The following REV3L variants were observed in gnomAD, a reference collection of about 807,000 sequenced individuals.
REV3L encodes REV3 like, DNA directed polymerase zeta catalytic subunit.
Under a neutral mutation model 299.4 loss-of-function variants are expected in REV3L, and 69 were observed. That is an observed-to-expected ratio of 0.23 (90% CI 0.19 to 0.28). The LOEUF (loss-of-function observed/expected upper bound fraction) is 0.28. Among genes scored for constraint, REV3L ranks in the 10% least tolerant of loss-of-function variants. REV3L has a pLI of 1.00. For missense variants in REV3L, 3,128 were observed against 3,693.8 expected, an observed-to-expected ratio of 0.85 and a Z score of 3.97; for synonymous variants, 1,238 against 1,271.4, an observed-to-expected ratio of 0.97 and a Z score of 0.56.
chr6:111,473,644 C>T (rs1000040072), intron 1 of REV3L, among the ~76,000 whole-genome samples: 1 of 151,828 alleles, frequency 6.6e-6, no homozygotes, highest in Non-Finnish European at 1.5e-5. Flanking sequence ...ATTCTAAGCA[C>T]TATTAGATAC....
At chr6:111,483,324 C>G (rs1484723238), upstream of REV3L, 6 of 478,316 alleles carry the variant, frequency 1.3e-5, no homozygotes, top group East Asian at 1.4e-4. Context: ...AGAGGGCGGG[C>G]GCCCGGGCGG....
chr6:111,322,759 A>G, intron 25 of REV3L, 81 bp from the exon 26 acceptor site: 1 of 902,636 alleles, frequency 1.1e-6, no homozygotes, highest in Non-Finnish European at 1.7e-6. Flanking sequence ...AATACATTTA[A>G]TTACTAAATA....
rs533942723 is a variant in REV3L, at chr6:111,306,150, A to G, written c.9252+1211T>C. On this transcript the variant is annotated intron_variant, in intron 31 of 31. Coordinates refer to ENST00000368802, the MANE Select transcript of REV3L (RefSeq NM_001372078.1). ...AGTGAGGAAGACAGACAAACCCCAA[A>G]TCACAGTAAAGCAGAGGAGATTATG... Among the ~76,000 whole-genome samples the G allele has an allele frequency of 4.6e-5, 7 of 152,262 alleles. No homozygotes were observed. The South Asian group carries it at 1.5e-3, about 32-fold the overall frequency.
chr6:111,438,080 A>G (rs1787814389), intron 1 of REV3L, among the ~76,000 whole-genome samples: 5 of 151,700 alleles, frequency 3.3e-5, no homozygotes, highest in Non-Finnish European at 1.5e-5. Flanking sequence ...ACTGGTCTCA[A>G]ACTCCTGGGC....
intron 1 of REV3L, chr6:111,431,020 T>C: frequency 6.4e-7 from 1 of 1,563,424 alleles, no homozygotes; most frequent in African/African-American, 1.4e-5. Context: ...CACTCCAGTG[T>C]TATATTTGAA....
In REV3L at chr6:111,381,415, G is replaced by C; in HGVS notation, c.1126C>G (p.Leu376Val). The C allele has an allele frequency of 6.2e-7, 1 of 1,613,102 alleles. No individual in the cohort carries two copies. The highest frequency in any genetic ancestry group is 1.1e-5 in the South Asian group (1 of 91,018). Residue 376 changes from leucine (L) to valine (V), a missense_variant, in exon 10 of 32, where the codon CTT becomes GTT. Leu to Val is a conservative substitution (Grantham distance 32). This residue lies in a region of REV3L where 2,409 missense variants were observed against 2,611.8 expected (regional missense o/e 0.92). Transcript: ENST00000368802. ...TTCAAAATTGCTTCTTCATTAATAA[G>C]AGCTTCTTCCACTTTGTGTCTAGTG... ...GHTRHKVEEA[L>V]INEEAILNLM... is the part of the protein sequence containing the mutation.
intron 1 of REV3L, among the ~76,000 whole-genome samples, chr6:111,455,175 G>A (rs1370544613): frequency 1.3e-5 from 2 of 152,190 alleles, no homozygotes; most frequent in Admixed American, 6.5e-5. Flanking sequence ...ACTAAGGGTA[G>A]TTGGGAGAGG....
At chr6:111,437,709 G>T (rs971745987) in intron 1 of REV3L, among the ~76,000 whole-genome samples, 1 of 152,106 alleles carries the variant, frequency 6.6e-6, no homozygotes, top group Non-Finnish European at 1.5e-5. Flanking sequence ...AATGAGTACT[G>T]ACTGCTATTT....
At position 111,375,667 on chromosome 6, in the gene REV3L, G is replaced by A. The variant is rs56365810; in HGVS notation, c.2688C>T (p.Asp896=). 457 of 1,613,962 alleles carry A rather than the reference G, an allele frequency of 2.8e-4. No homozygotes were observed. The African/African-American group carries it at 5.4e-3, about 19-fold the overall frequency. ...CTAACGTTCCATCTCCAAAGTGACA[G>A]TCTATAAAACCATCTGTGGGTGTTT... ...ENKTPTDGFI[D]CHFGDGTLET... Residue 896 remains aspartate (D), a synonymous_variant, in exon 13 of 32, where the codon GAC becomes GAT. Coordinates refer to ENST00000368802, the MANE Select transcript of REV3L (RefSeq NM_001372078.1).
chr6:111,330,311 A>G (rs970535986), intron 24 of REV3L: 1 of 454,828 alleles, frequency 2.2e-6, no homozygotes, highest in African/African-American at 2.0e-5. Flanking sequence ...TTTATTAGCA[A>G]TCTGGAAGAG....
At chr6:111,463,018 G>C (rs1790986605) in intron 1 of REV3L, among the ~76,000 whole-genome samples, 1 of 152,042 alleles carries the variant, frequency 6.6e-6, no homozygotes, top group Admixed American at 6.6e-5. Context: ...GAGAGCATAA[G>C]GTCCTTGCAG....
chr6:111,375,651 C>T lies in REV3L; in HGVS notation c.2704G>A (p.Gly902Arg), dbSNP rs1363007177. 1.2e-6 allele frequency: 2 copies of T among 1,613,740 alleles called. No individual in the cohort carries two copies. Among genetic ancestry groups the T allele is most frequent in the Non-Finnish European group, 1.7e-6 (2 of 1,179,888 alleles). The change falls in exon 13 of 32, where the codon GGA becomes AGA. Residue 902 changes from glycine (G) to arginine (R), a missense_variant. Transcript: ENST00000368802. The part of the protein sequence containing the change: ...DGFIDCHFGD[G>R]TLETEQSFGL... ...AAGGACTGCTCAGTTTCTAACGTTCCATCTCCAAAGTGACAGTCTATAAAA... is the reference window on the plus strand; with the variant it reads ...AAGGACTGCTCAGTTTCTAACGTTCTATCTCCAAAGTGACAGTCTATAAAA...
Position 111,409,851 on chromosome 6 carries a change from T to C in REV3L, c.404+1629A>G, listed in dbSNP as rs117726607. Among the ~76,000 whole-genome samples the C allele has an allele frequency of 2.6e-5, 4 of 152,278 alleles. No homozygotes were observed. In the East Asian group the frequency reaches 5.8e-4, roughly 22 times the overall value. On this transcript the variant is annotated intron_variant, in intron 3 of 31. Transcript: ENST00000368802. The stretch of plus-strand genomic sequence containing the variant: ...GAAAATAAATGGATGAATTCAGAAC[T>C]GACGTTTTCATTTGGCAGACCAAAG...
At chr6:111,366,420 T>G (rs994369865) in intron 14 of REV3L, among the ~76,000 whole-genome samples, 4 of 152,038 alleles carry the variant, frequency 2.6e-5, no homozygotes, top group Non-Finnish European at 2.9e-5. Flanking sequence ...TAAAGAAGGC[T>G]TAAGACCAAG....
intron 1 of REV3L, among the ~76,000 whole-genome samples, chr6:111,437,311 T>A (rs752979766): frequency 6.6e-6 from 1 of 152,132 alleles, no homozygotes; most frequent in Non-Finnish European, 1.5e-5. Flanking sequence ...GCATTATTCA[T>A]AATGGTCAAA....
intron 9 of REV3L, among the ~76,000 whole-genome samples, chr6:111,387,347 G>A (rs187227420): frequency 6.9e-4 from 105 of 152,238 alleles, no homozygotes; most frequent in African/African-American, 2.0e-3. Context: ...TTGTGGAGAC[G>A]TTTGCACAAC....
chr6:111,449,599 G>A (rs569795310), intron 1 of REV3L, among the ~76,000 whole-genome samples: 11 of 152,250 alleles, frequency 7.2e-5, no homozygotes, highest in South Asian at 2.1e-4. Flanking sequence ...ACAAGACATC[G>A]AGTAGAATAA....
intron 27 of REV3L, among the ~76,000 whole-genome samples, chr6:111,314,046 C>G (rs1461651660): frequency 6.6e-6 from 1 of 152,194 alleles, no homozygotes; most frequent in Non-Finnish European, 1.5e-5. Context: ...ATGTTTACAA[C>G]AAGAGACTGC....
intron 31 of REV3L, among the ~76,000 whole-genome samples, chr6:111,300,661 C>T (rs1352814436): frequency 1.3e-5 from 2 of 152,182 alleles, no homozygotes; most frequent in Non-Finnish European, 2.9e-5. Flanking sequence ...ATTTCTTATG[C>T]CTGTCTTTAC....
Sources: allele counts gnomAD v4.1 joint callset (sites outside exome capture counted in the v4.1 genomes callset), GRCh38; gene constraint gnomAD v4.1.1; regional missense constraint gnomAD v4.1.1; transcripts MANE v1.5; gene names NCBI Gene and HGNC (gene_info 2026-07-23, HGNC 2026-07-21).